Variants in GPATCH8 observed in about 807,000 individuals in gnomAD.
GPATCH8 encodes G patch domain-containing protein 8.
Under a neutral mutation model 118.3 loss-of-function variants are expected in GPATCH8, and 18 were observed. The observed-to-expected ratio is 0.15, with a 90% CI of 0.11 to 0.23. GPATCH8 has a LOEUF of 0.23. GPATCH8 is among the 10% of genes least tolerant of loss of function. GPATCH8 has a pLI of 1.00. For missense variants in GPATCH8, 1,631 were observed against 1,873.8 expected (o/e 0.87, Z 2.39); for synonymous variants, 659 against 684.7 (o/e 0.96, Z 0.59).
intron 6 of GPATCH8, among the ~76,000 whole-genome samples, chr17:44,410,953 A>G (rs1430259282): frequency 6.6e-6 from 1 of 152,222 alleles, no homozygotes; most frequent in Non-Finnish European, 1.5e-5. Flanking sequence ...TAACTTAAAC[A>G]GCATTATATT....
rs534622114 is a variant in GPATCH8 at position 44,432,475 on chromosome 17, T to C, written c.348+2590A>G. On this transcript the variant is annotated intron_variant, in intron 5 of 7. Coordinates refer to ENST00000591680, the MANE Select transcript of GPATCH8 (RefSeq NM_001002909.4). ...GGGACATGACACATGAGAGGATTAA[T>C]TGGCAGCTCTGAGGGCCCAGTGAGG... 2.0e-5 allele frequency among the ~76,000 whole-genome samples: 3 copies of C among 152,232 alleles called. No individual in the cohort carries two copies. The East Asian group carries it at 5.8e-4, about 29-fold the overall frequency.
intron 1 of GPATCH8, among the ~76,000 whole-genome samples, chr17:44,482,898 T>C (rs1374722009): frequency 6.6e-6 from 1 of 150,560 alleles, no homozygotes; most frequent in Admixed American, 6.6e-5. Context: ...GGCTCACGCC[T>C]GTAATCCCAG....
rs2048936116 is a variant in GPATCH8 at position 44,399,716 on chromosome 17, T to A, written c.2361A>T (p.Lys787Asn). The A allele has an allele frequency of 6.2e-7, 1 of 1,613,976 alleles. No individual in the cohort carries two copies. Among genetic ancestry groups the A allele is most frequent in the African/African-American group, 1.3e-5 (1 of 74,898 alleles). ...GGCAGGATGAAGGTGGAAGTTCACCTTTGTGTTTCCTCCCACCATGGTCTT... is the reference window on the plus strand; with the variant it reads ...GGCAGGATGAAGGTGGAAGTTCACCATTGTGTTTCCTCCCACCATGGTCTT... ...SSQDHGGRKH[K>N]GELPPSSCQR... is the part of the protein sequence containing the mutation. The change falls in exon 8 of 8, where the codon AAA (lysine) becomes AAT (asparagine). Residue 787 changes from lysine to asparagine, a missense_variant. Coordinates refer to ENST00000591680, the MANE Select transcript of GPATCH8 (RefSeq NM_001002909.4).
rs112226609 is a variant in GPATCH8 at position 44,404,273 on chromosome 17, G to T, written c.623+1648C>A. On this transcript the variant is annotated intron_variant, in intron 7 of 7. Coordinates refer to ENST00000591680, the MANE Select transcript of GPATCH8 (RefSeq NM_001002909.4). ...CTACCTCAGGCTCCTGAGTAGCTGGGACTACAGGCATGTGCCACCATGCCC... is the reference window on the plus strand; with the variant it reads ...CTACCTCAGGCTCCTGAGTAGCTGGTACTACAGGCATGTGCCACCATGCCC... Among the ~76,000 whole-genome samples the T allele has an allele frequency of 4.3e-3, 653 of 151,744 alleles. 8 individuals are homozygous for T. The highest frequency in any genetic ancestry group is 0.015 in the African/African-American group (635 of 41,384).
At chr17:44,401,906 A>G (rs1034583103) in intron 7 of GPATCH8, among the ~76,000 whole-genome samples, 1 of 152,072 alleles carries the variant, frequency 6.6e-6, no homozygotes, top group South Asian at 2.1e-4. Flanking sequence ...TGGGAGGCTG[A>G]GGCAGAAGAA....
intron 3 of GPATCH8, among the ~76,000 whole-genome samples, chr17:44,449,272 T>C (rs117689766): frequency 0.048 from 7,245 of 152,134 alleles, 241 homozygotes; most frequent in Middle Eastern, 0.085. Context: ...AGCGAAACTG[T>C]CTCCAAAAAA....
At chr17:44,414,143 G>A (rs938897053) in intron 6 of GPATCH8, among the ~76,000 whole-genome samples, 18 of 24,838 alleles carry the variant, frequency 7.2e-4, no homozygotes, top group African/African-American at 2.2e-3. Flanking sequence ...ATATATATAT[G>A]TGTATATATA....
At chr17:44,402,835 C>T (rs987267323) in intron 7 of GPATCH8, among the ~76,000 whole-genome samples, 2 of 152,212 alleles carry the variant, frequency 1.3e-5, no homozygotes, top group African/African-American at 4.8e-5. Context: ...TTCAGTACTA[C>T]AGTCATAATG....
intron 5 of GPATCH8, among the ~76,000 whole-genome samples, chr17:44,426,325 A>G (rs1299116804): frequency 6.6e-6 from 1 of 152,214 alleles, no homozygotes; most frequent in East Asian, 1.9e-4. Flanking sequence ...GGCTGAGGCC[A>G]GGTGCGGTGG....
At chr17:44,438,195 T>C (rs1156572998) in intron 3 of GPATCH8, among the ~76,000 whole-genome samples, 2 of 152,194 alleles carry the variant, frequency 1.3e-5, no homozygotes, top group Non-Finnish European at 2.9e-5. Context: ...AATAGTCCAA[T>C]GAATGAATTA....
At chr17:44,436,890 A>C in intron 3 of GPATCH8, 1 of 297,358 alleles carries the variant, frequency 3.4e-6, no homozygotes, top group Non-Finnish European at 6.5e-6. Flanking sequence ...CTTCCCATCA[A>C]GTATCACTTT....
At chr17:44,483,870 C>G (rs1280720789) in intron 1 of GPATCH8, among the ~76,000 whole-genome samples, 2 of 148,584 alleles carry the variant, frequency 1.3e-5, no homozygotes, top group African/African-American at 4.9e-5. Flanking sequence ...GAGACAGAGT[C>G]TCATTCTGTT....
chr17:44,429,376 G>A (rs1294835710), intron 5 of GPATCH8, among the ~76,000 whole-genome samples: 1 of 151,994 alleles, frequency 6.6e-6, no homozygotes, highest in Non-Finnish European at 1.5e-5. Flanking sequence ...AAGAAGTTAA[G>A]CCTATGTGTA....
intron 5 of GPATCH8, among the ~76,000 whole-genome samples, chr17:44,432,027 T>C (rs2143996753): frequency 6.7e-6 from 1 of 150,362 alleles, no homozygotes. Flanking sequence ...GGTAGCTATA[T>C]GGAGAGTAAA....
chr17:44,464,282 T>G (rs1244551769), intron 3 of GPATCH8, among the ~76,000 whole-genome samples, 190 bp downstream of exon 3: 1 of 152,144 alleles, frequency 6.6e-6, no homozygotes, highest in African/African-American at 2.4e-5. Flanking sequence ...CTCTTGCAAA[T>G]TACTGGCAAA....
At chr17:44,440,829 G>T (rs1336860331) in intron 3 of GPATCH8, among the ~76,000 whole-genome samples, 1 of 151,960 alleles carries the variant, frequency 6.6e-6, no homozygotes, top group African/African-American at 2.4e-5. Context: ...TACAGAGAAA[G>T]AACTCTTTTG....
chr17:44,490,143 T>A (rs1018640903), intron 1 of GPATCH8, among the ~76,000 whole-genome samples: 1 of 152,102 alleles, frequency 6.6e-6, no homozygotes, highest in African/African-American at 2.4e-5. Flanking sequence ...ACAAATTTTT[T>A]TTAATTTTTG....
chr17:44,434,987 G>C (rs1399626061), intron 5 of GPATCH8, 78 bp downstream of exon 5: 2 of 779,374 alleles, frequency 2.6e-6, no homozygotes, highest in East Asian at 4.9e-5. Context: ...CAACAGTGAT[G>C]ATTTTCAACA....
At chr17:44,422,157 A>C (rs2049928487) in intron 6 of GPATCH8, among the ~76,000 whole-genome samples, 1 of 152,164 alleles carries the variant, frequency 6.6e-6, no homozygotes, top group South Asian at 2.1e-4. Context: ...TCTTAATTAA[A>C]TAAAGATAAT....
Sources: gnomAD v4.1 joint callset for allele counts (sites outside exome capture counted in the v4.1 genomes callset) on GRCh38, gnomAD v4.1.1 for gene constraint, MANE v1.5 for transcripts, NCBI Gene and HGNC (gene_info 2026-07-23, HGNC 2026-07-21) for gene names.